The following ZEB2 variants were observed in gnomAD, a reference collection of about 807,000 sequenced individuals.
ZEB2 encodes the protein zinc finger E-box binding homeobox 2, also known as zinc finger E-box-binding homeobox 2.
ZEB2 carries 6 observed loss-of-function variants against 99.9 expected under a neutral mutation model. The observed-to-expected ratio is 0.06, with a 90% confidence interval of 0.03 to 0.12. The LOEUF is 0.12. ZEB2 is among the 10% of genes least tolerant of loss of function. The pLI is 1.00. For synonymous variants in ZEB2, 517 were observed against 542.5 expected (o/e 0.95, Z 0.65); for missense variants, 969 against 1,502.8 (o/e 0.64, Z 5.87).
At chr2:144,517,193 G>A (rs1192412976) in intron 2 of ZEB2, 85 bp downstream of exon 2, 2 of 1,576,614 alleles carry the variant, frequency 1.3e-6, no homozygotes, top group East Asian at 4.5e-5. Context: ...CCGCCGCCTC[G>A]GTTCCTTTTC....
chr2:144,390,123 G>T, intron 9 of ZEB2, 95 bp from the exon 10 acceptor site: 1 of 1,276,182 alleles, frequency 7.8e-7, no homozygotes, highest in Non-Finnish European at 1.1e-6. Flanking sequence ...AGGCATAAGC[G>T]TGTGTACTTA....
intron 9 of ZEB2, among the ~76,000 whole-genome samples, chr2:144,391,614 C>T (rs115115796): frequency 3.1e-3 from 475 of 152,168 alleles, no homozygotes; most frequent in Non-Finnish European, 4.5e-3. Flanking sequence ...GGAAAGACAC[C>T]GTGGTAGGAA....
At chr2:144,474,040 C>G (rs796371417) in intron 2 of ZEB2, among the ~76,000 whole-genome samples, 2 of 152,094 alleles carry the variant, frequency 1.3e-5, no homozygotes, top group African/African-American at 4.8e-5. Flanking sequence ...CCTGGGTCAT[C>G]GTTTGCAAAT....
At chr2:144,499,643 GTTTC>G (rs1283493299) in intron 2 of ZEB2, among the ~76,000 whole-genome samples, 6 of 152,144 alleles carry the variant, frequency 3.9e-5, no homozygotes, top group African/African-American at 1.4e-4. Context: ...TAAATTTTCT[GTTTC>G]TTTCTTAAAC....
rs1194832899 is a variant in ZEB2, at chr2:144,424,818, C to T, written c.381G>A (p.Gln127=). The T allele has an allele frequency of 6.2e-7, 1 of 1,613,930 alleles. No homozygotes were observed. The highest frequency in any genetic ancestry group is 1.3e-5 in the African/African-American group (1 of 74,914). The change falls in exon 4 of 10, where the codon CAG becomes CAA. Residue 127 remains glutamine (Q), a synonymous_variant. Transcript: ENST00000627532. The stretch of plus-strand genomic sequence containing the variant: ...CACCTGTACCATTGTTAATTGCGGT[C>T]TGGATCGTGGCTTCTGGCCCCATAG... ...YDTMGPEATI[Q]TAINNGTVKN... is the part of the protein sequence containing the mutation.
intron 2 of ZEB2, among the ~76,000 whole-genome samples, chr2:144,447,147 T>C (rs1247272443): frequency 6.6e-6 from 1 of 152,202 alleles, no homozygotes; most frequent in Non-Finnish European, 1.5e-5. Context: ...TATTCTAAGT[T>C]CTTCAGATCC....
intron 4 of ZEB2, among the ~76,000 whole-genome samples, chr2:144,411,268 T>C (rs1703461250): frequency 6.6e-6 from 1 of 151,690 alleles, no homozygotes. Flanking sequence ...CAAATCTAGG[T>C]AACTGTATTT....
intron 2 of ZEB2, chr2:144,495,639 T>C (rs1279611955): frequency 6.6e-6 from 1 of 152,232 alleles, no homozygotes; most frequent in Non-Finnish European, 1.5e-5. Context: ...ATGTGTGAAC[T>C]CTCTGTGTGA....
chr2:144,389,292 C>T lies in ZEB2; in HGVS notation c.*159G>A, dbSNP rs771297035. On this transcript the variant is annotated 3_prime_UTR_variant, in exon 10 of 10. Coordinates refer to ENST00000627532, the MANE Select transcript of ZEB2 (RefSeq NM_014795.4). The surrounding 1 kb of genome is among the most constrained non-coding windows in gnomAD (Gnocchi z 6.8). ...TTTTTAACAATACCCAGCTCCAACT[C>T]CGTCTACATCTGTCTTGGCTGAACC... 1.0e-4 allele frequency: 86 copies of T among 845,732 alleles called. No homozygotes were observed. Among genetic ancestry groups the T allele is most frequent in the Non-Finnish European group, 1.6e-4 (82 of 527,244 alleles). The allele number at this position is 845,732 out of a possible 1,614,324, so 52.4% of individuals were successfully genotyped here.
intron 9 of ZEB2, 21 bp from the exon 10 acceptor site, chr2:144,390,049 A>G (rs781003718): frequency 5.0e-6 from 8 of 1,598,580 alleles, no homozygotes; most frequent in African/African-American, 1.3e-5. Flanking sequence ...GAACAAGATG[A>G]CAGGGTGATT....
At chr2:144,476,117 T>C (rs1704426444) in intron 2 of ZEB2, among the ~76,000 whole-genome samples, 1 of 152,242 alleles carries the variant, frequency 6.6e-6, no homozygotes, top group Admixed American at 6.5e-5. Flanking sequence ...TGTGTACTAA[T>C]ATTTTACACT....
intron 2 of ZEB2, among the ~76,000 whole-genome samples, chr2:144,481,126 G>T (rs190483831): frequency 6.6e-6 from 1 of 152,302 alleles, no homozygotes; most frequent in Admixed American, 6.5e-5. Flanking sequence ...AAACGAAGAG[G>T]AAAGAAAGGA....
intron 2 of ZEB2, chr2:144,516,373 G>A (rs116970322): frequency 0.021 from 3,113 of 149,886 alleles, 52 homozygotes; most frequent in South Asian, 0.043. Context: ...CTCTCTCTCT[G>A]TTTCTCTCTG....
intron 2 of ZEB2, among the ~76,000 whole-genome samples, chr2:144,469,432 T>C (rs1289620747): frequency 6.6e-6 from 1 of 152,118 alleles, no homozygotes; most frequent in Non-Finnish European, 1.5e-5. Flanking sequence ...GTACTGAGCA[T>C]TGCACACACT....
chr2:144,394,989 CTTTTTTTTTTTTT>C (rs869207772), intron 9 of ZEB2, among the ~76,000 whole-genome samples: 2 of 85,198 alleles, frequency 2.3e-5, no homozygotes, highest in Non-Finnish European at 4.5e-5. Context: ...CTTCCCTTCG[CTTTTTTTTTTTTT>C]TTTTTTTTTT....
chr2:144,416,211 C>A (rs1264291645), intron 4 of ZEB2, among the ~76,000 whole-genome samples: 1 of 152,178 alleles, frequency 6.6e-6, no homozygotes, highest in Non-Finnish European at 1.5e-5. Context: ...GTCCCTTTTA[C>A]CCATTCTGAT....
chr2:144,417,186 G>T (rs1342171483), intron 4 of ZEB2, among the ~76,000 whole-genome samples: 1 of 152,062 alleles, frequency 6.6e-6, no homozygotes, highest in African/African-American at 2.4e-5. Flanking sequence ...AACTAATGAG[G>T]CTATAATTAT....
At chr2:144,419,460 A>G (rs1703590114) in intron 4 of ZEB2, among the ~76,000 whole-genome samples, 1 of 152,228 alleles carries the variant, frequency 6.6e-6, no homozygotes, top group African/African-American at 2.4e-5. Context: ...CTGAGTAAAT[A>G]TAACTTTCAC....
At chr2:144,463,611 T>C (rs1370402348) in intron 2 of ZEB2, 2 of 152,084 alleles carry the variant, frequency 1.3e-5, no homozygotes, top group African/African-American at 4.8e-5. Context: ...GGAGAATCAC[T>C]TGAGCCCAGG....
Sources: gnomAD v4.1 joint callset for allele counts (sites outside exome capture counted in the v4.1 genomes callset) on GRCh38, gnomAD v4.1.1 for gene constraint, Gnocchi (gnomAD v3.1) non-coding constraint, MANE v1.5 for transcripts, NCBI Gene and HGNC (gene_info 2026-07-23, HGNC 2026-07-21) for gene names.